The following PAPPA variants were observed in gnomAD, a reference collection of about 807,000 sequenced individuals.
PAPPA encodes pappalysin 1.
In PAPPA, 60 loss-of-function variants were observed where a neutral mutation model predicts 164.0. The observed-to-expected ratio is 0.37, with a 90% CI of 0.30 to 0.45. The LOEUF (loss-of-function observed/expected upper bound fraction) is 0.45, where lower values mean the gene tolerates loss of function less well. Among genes scored for constraint, PAPPA ranks in the 20% least tolerant of loss-of-function variants. The probability of loss-of-function intolerance (pLI) is 1.00; values close to 1 mark genes in which losing one functional copy is unlikely to be tolerated. For missense variants in PAPPA, 1,782 were observed against 2,087.3 expected (o/e 0.85, Z 2.85); for synonymous variants, 875 against 814.1 (o/e 1.07, Z -1.27).
chr9:116,239,653 G>A (rs912889363), intron 7 of PAPPA, among the ~76,000 whole-genome samples: 15 of 152,096 alleles, frequency 9.9e-5, no homozygotes, highest in African/African-American at 3.6e-4. Flanking sequence ...AGGTGAAAAA[G>A]CTTAAATTCA....
intron 2 of PAPPA, among the ~76,000 whole-genome samples, chr9:116,203,439 C>T (rs995033309): frequency 1.3e-5 from 2 of 152,126 alleles, no homozygotes; most frequent in Non-Finnish European, 2.9e-5. Flanking sequence ...TCCCAACTGC[C>T]AGAAGCTCAT....
At chr9:116,296,010 A>G (rs1360480145) in intron 9 of PAPPA, among the ~76,000 whole-genome samples, 1 of 152,214 alleles carries the variant, frequency 6.6e-6, no homozygotes, top group Non-Finnish European at 1.5e-5. Context: ...CACTCCTAAA[A>G]TCTCCAGAAA....
At chr9:116,230,140 C>T (rs1844571489) in intron 6 of PAPPA, among the ~76,000 whole-genome samples, 1 of 152,122 alleles carries the variant, frequency 6.6e-6, no homozygotes, top group Non-Finnish European at 1.5e-5. Flanking sequence ...GGGTTTTCCT[C>T]CTATGTAAAT....
At chr9:116,378,088 AC>A (rs1846679045) in intron 20 of PAPPA, among the ~76,000 whole-genome samples, 1 of 152,170 alleles carries the variant, frequency 6.6e-6, no homozygotes, top group African/African-American at 2.4e-5. Context: ...TTACTTGCAG[AC>A]CTATTCCTTC....
intron 8 of PAPPA, among the ~76,000 whole-genome samples, chr9:116,266,668 C>T (rs1845071586): frequency 6.6e-6 from 1 of 152,090 alleles, no homozygotes; most frequent in African/African-American, 2.4e-5. Flanking sequence ...AGATGCTATG[C>T]AACTGGCAAA....
At chr9:116,391,396 G>A (rs1846891392) in intron 21 of PAPPA, among the ~76,000 whole-genome samples, 1 of 152,168 alleles carries the variant, frequency 6.6e-6, no homozygotes, top group Non-Finnish European at 1.5e-5. Context: ...ACAGCCAGCA[G>A]GAGACACAGT....
At chr9:116,364,743 C>T (rs901865893) in intron 18 of PAPPA, among the ~76,000 whole-genome samples, 1 of 152,142 alleles carries the variant, frequency 6.6e-6, no homozygotes, top group African/African-American at 2.4e-5. Flanking sequence ...TTCTCTCCAT[C>T]AGAACAGTGG....
chr9:116,262,178 T>C (rs1845010396), intron 7 of PAPPA, among the ~76,000 whole-genome samples: 1 of 147,872 alleles, frequency 6.8e-6, no homozygotes. Context: ...GACTTCTGCC[T>C]GGGTGACAGA....
At chr9:116,339,316 CAAAG>C (rs1471128617) in intron 13 of PAPPA, among the ~76,000 whole-genome samples, 1 of 152,152 alleles carries the variant, frequency 6.6e-6, no homozygotes, top group Admixed American at 6.5e-5. Context: ...TGGACTAGAG[CAAAG>C]CGCTCTGCTC....
intron 1 of PAPPA, among the ~76,000 whole-genome samples, chr9:116,183,730 T>C (rs1206435575): frequency 1.3e-5 from 2 of 152,212 alleles, no homozygotes; most frequent in Non-Finnish European, 2.9e-5. Flanking sequence ...GTGTTTCTTT[T>C]TGGTTCCATT....
chr9:116,320,173 T>C (rs1845836377), intron 10 of PAPPA, among the ~76,000 whole-genome samples: 1 of 152,234 alleles, frequency 6.6e-6, no homozygotes, highest in Non-Finnish European at 1.5e-5. Flanking sequence ...CCCTTTCCAT[T>C]GAAAGCCTGG....
chr9:116,254,666 C>T (rs1486965991), intron 7 of PAPPA, among the ~76,000 whole-genome samples: 5 of 151,340 alleles, frequency 3.3e-5, no homozygotes, highest in Middle Eastern at 3.4e-3. Flanking sequence ...CCTGTAATCC[C>T]AGCTACTCAG....
At chr9:116,189,166 A>G (rs62574177) in intron 2 of PAPPA, among the ~76,000 whole-genome samples, 3,674 of 152,314 alleles carry the variant, frequency 0.024, 67 homozygotes, top group Non-Finnish European at 0.035. Context: ...AGATCAATAC[A>G]TTTGGTGTAA....
intron 10 of PAPPA, among the ~76,000 whole-genome samples, chr9:116,305,036 G>A (rs1845626455): frequency 1.3e-5 from 2 of 151,348 alleles, no homozygotes; most frequent in Admixed American, 6.6e-5. Context: ...CTGAAAGCAA[G>A]TACCTAGAAG....
rs1478880448 is a variant in PAPPA, at chr9:116,154,674, G to C, written c.415+87G>C. 6 of 1,237,932 alleles carry C rather than the reference G, an allele frequency of 4.8e-6. No individual in the cohort carries two copies. Among genetic ancestry groups the C allele is most frequent in the Non-Finnish European group, 6.1e-6 (6 of 988,194 alleles). The allele number at this position is 1,237,932 out of a possible 1,614,324, so 76.7% of individuals were successfully genotyped here. A position where few individuals can be genotyped will look rare whatever the true frequency, so the allele number is the denominator to read the frequency against. ...TCTGGGCGCGGGTGGCGGGCGGGTC[G>C]GGGGCTTGCGGGCGTGTCTGTGCGA... On this transcript the variant is annotated intron_variant, in intron 1 of 21. Transcript: ENST00000328252. This position sits in a 1 kb window ranked among gnomAD's most constrained non-coding sequence, Gnocchi z 5.2.
chr9:116,232,935 T>G (rs1844616318), intron 6 of PAPPA, among the ~76,000 whole-genome samples: 3 of 152,180 alleles, frequency 2.0e-5, no homozygotes, highest in African/African-American at 7.2e-5. Flanking sequence ...TTTGTCATCT[T>G]TGCTCTCCTG....
In PAPPA at chr9:116,369,139, T is replaced by C. The variant is rs539177366; in HGVS notation, c.4605+1385T>C. ...CTCTCCCACACTCTCCTTTCCATCA[T>C]CCACTGTTTCTCTCTCTCTCTCTCT... On this transcript the variant is annotated intron_variant, in intron 19 of 21. Transcript: ENST00000328252. Among the ~76,000 whole-genome samples, 21 of 152,114 alleles carry C rather than the reference T, an allele frequency of 1.4e-4. No individual in the cohort carries two copies. The South Asian group carries it at 1.7e-3, about 12-fold the overall frequency.
At chr9:116,278,072 T>C (rs535904169) in intron 9 of PAPPA, among the ~76,000 whole-genome samples, 1 of 152,364 alleles carries the variant, frequency 6.6e-6, no homozygotes, top group South Asian at 2.1e-4. Context: ...CAGAGAGATT[T>C]AGTAACTTGC....
intron 6 of PAPPA, among the ~76,000 whole-genome samples, chr9:116,231,830 C>T (rs1349813569): frequency 1.6e-5 from 2 of 127,714 alleles, no homozygotes; most frequent in Admixed American, 1.0e-4. Flanking sequence ...GGCGTAATCT[C>T]GGCTCACTGC....
Sources: allele counts gnomAD v4.1 joint callset (sites outside exome capture counted in the v4.1 genomes callset), GRCh38; gene constraint gnomAD v4.1.1; non-coding constraint Gnocchi (gnomAD v3.1); transcripts MANE v1.5; gene names NCBI Gene and HGNC (gene_info 2026-07-23, HGNC 2026-07-21).